Variants in RMDN2 observed in about 807,000 individuals in gnomAD.
The protein encoded by RMDN2 is regulator of microtubule dynamics 2.
RMDN2 carries 61 observed loss-of-function variants against 52.8 expected under a neutral mutation model. The ratio of observed to expected loss-of-function variants is 1.16; its 90% CI spans 0.94 to 1.43. The LOEUF (loss-of-function observed/expected upper bound fraction) is 1.43, where lower values mean the gene tolerates loss of function less well. RMDN2 is among the 40% of genes most tolerant of loss of function. RMDN2 has a pLI of 0.00. For missense variants in RMDN2, 592 were observed against 475.3 expected, an observed-to-expected ratio of 1.25 and a Z score of -2.28; for synonymous variants, 180 against 153.1, an observed-to-expected ratio of 1.18 and a Z score of -1.30.
At chr2:38,051,737 A>T (rs190564209) in intron 10 of RMDN2, among the ~76,000 whole-genome samples, 25 of 152,272 alleles carry the variant, frequency 1.6e-4, no homozygotes, top group Non-Finnish European at 3.1e-4. Flanking sequence ...CTGTGAGATT[A>T]AAGTTTTTAG....
intron 2 of RMDN2, among the ~76,000 whole-genome samples, chr2:37,937,229 T>C (rs1051615229): frequency 2.0e-5 from 3 of 152,206 alleles, no homozygotes; most frequent in Non-Finnish European, 2.9e-5. Flanking sequence ...TGTGGTGTTA[T>C]TTCTGAAGCC....
At chr2:38,018,398 A>G (rs1408242837), downstream of RMDN2, among the ~76,000 whole-genome samples, 1 of 152,188 alleles carries the variant, frequency 6.6e-6, no homozygotes, top group Non-Finnish European at 1.5e-5. Context: ...GAAAAGTATT[A>G]AATCTTTAGT....
At chr2:38,052,059 CTAG>C (rs1354147308) in intron 10 of RMDN2, among the ~76,000 whole-genome samples, 4 of 152,160 alleles carry the variant, frequency 2.6e-5, no homozygotes, top group African/African-American at 9.7e-5. Flanking sequence ...GGATTGTATG[CTAG>C]TTCCATTTTT....
In RMDN2 at chr2:37,978,136, C is replaced by T. The variant is rs563438334; in HGVS notation, c.730+2822C>T. Among the ~76,000 whole-genome samples the T allele has an allele frequency of 5.3e-5, 8 of 152,250 alleles. No individual in the cohort carries two copies. In the East Asian group the frequency reaches 1.2e-3, roughly 22 times the overall value. Reference sequence around the variant, plus strand: ...GAGCTAGAGACCAGCCCGGCCAACACGGTGAAACCCCGTCTCCACCAAAAA... The same window carrying T: ...GAGCTAGAGACCAGCCCGGCCAACATGGTGAAACCCCGTCTCCACCAAAAA... On this transcript the variant is annotated intron_variant, in intron 4 of 10. Transcript: ENST00000354545.
Position 37,951,885 on chromosome 2 carries a change from T to A in RMDN2, c.453-22155T>A, listed in dbSNP as rs774634461. Reference sequence around the variant, plus strand: ...CTTTTCTCTTGCAAGTGATATTTCCTCTCCCGATCAACAAAATGGAATTGC... The same window carrying A: ...CTTTTCTCTTGCAAGTGATATTTCCACTCCCGATCAACAAAATGGAATTGC... On this transcript the variant is annotated intron_variant, in intron 2 of 10. Transcript: ENST00000354545. The A allele has an allele frequency of 1.2e-6, 2 of 1,613,394 alleles. No individual in the cohort carries two copies. The highest frequency in any genetic ancestry group is 2.2e-5 in the South Asian group (2 of 91,046).
chr2:37,987,485 A>T (rs1307723838), intron 5 of RMDN2, among the ~76,000 whole-genome samples: 21 of 152,226 alleles, frequency 1.4e-4, no homozygotes. Context: ...ATTCTGGGAA[A>T]GACCAAACTA....
chr2:37,951,673 T>A, intron 2 of RMDN2: 1 of 1,613,268 alleles, frequency 6.2e-7, no homozygotes, highest in South Asian at 1.1e-5. Context: ...GGCCAGAATG[T>A]GTTTAATCTA....
chr2:37,974,294 A>T, intron 3 of RMDN2, 80 bp downstream of exon 3: 1 of 900,170 alleles, frequency 1.1e-6, no homozygotes, highest in East Asian at 3.0e-5. Flanking sequence ...TAACTATAAT[A>T]ATTGTGTCAT....
At chr2:38,003,241 C>A (rs887227299) in intron 8 of RMDN2, among the ~76,000 whole-genome samples, 1 of 152,282 alleles carries the variant, frequency 6.6e-6, no homozygotes, top group African/African-American at 2.4e-5. Flanking sequence ...ACCAGTCATG[C>A]TCTACTCTTA....
At chr2:37,968,459 AAAG>A (rs1259780032) in intron 2 of RMDN2, among the ~76,000 whole-genome samples, 21 of 146,172 alleles carry the variant, frequency 1.4e-4, no homozygotes, top group African/African-American at 3.0e-4. Flanking sequence ...AAAAAAAAAA[AAAG>A]AAAGTCTGTT....
intron 8 of RMDN2, among the ~76,000 whole-genome samples, chr2:38,000,486 C>T (rs78985247): frequency 0.12 from 18,233 of 152,206 alleles, 1,344 homozygotes; most frequent in Non-Finnish European, 0.16. Context: ...GTTTTCTTTG[C>T]CTCTTTGCTG....
At chr2:37,936,884 G>T (rs979560462) in intron 2 of RMDN2, among the ~76,000 whole-genome samples, 1 of 152,164 alleles carries the variant, frequency 6.6e-6, no homozygotes, top group African/African-American at 2.4e-5. Flanking sequence ...CTGTGCAGGA[G>T]CTCTCTAGTT....
In RMDN2 at chr2:38,017,214, A is replaced by T. The variant is rs950207456; in HGVS notation, c.1208A>T (p.Lys403Ile). 1.3e-6 allele frequency: 2 copies of T among 1,534,612 alleles called. No individual in the cohort carries two copies. Residue 403 changes from lysine (K) to isoleucine (I), a missense_variant, in exon 11 of 11, where the codon AAA becomes ATA. Physicochemically the swap from Lys to Ile is moderately radical, Grantham distance 102. Coordinates refer to ENST00000354545, the MANE Select transcript of RMDN2 (RefSeq NM_001170791.3). ...EDKEAQKEMQ[K>I]IMTSLKR Reference sequence around the variant, plus strand: ...AAAGAGGCACAGAAAGAGATGCAAAAAATAATGACTTCCTTGAAGAGGTAA... The same window carrying T: ...AAAGAGGCACAGAAAGAGATGCAAATAATAATGACTTCCTTGAAGAGGTAA...
At chr2:37,988,662 T>C (rs1006318660) in intron 5 of RMDN2, among the ~76,000 whole-genome samples, 5 of 152,220 alleles carry the variant, frequency 3.3e-5, no homozygotes, top group African/African-American at 1.2e-4. Context: ...TTTTTCATCT[T>C]AGTTACTATG....
intron 10 of RMDN2, among the ~76,000 whole-genome samples, chr2:38,008,463 G>A (rs1292186930): frequency 6.6e-6 from 1 of 152,082 alleles, no homozygotes; most frequent in African/African-American, 2.4e-5. Flanking sequence ...TTATGTAATG[G>A]CCTTCTTTGT....
chr2:38,003,484 C>T (rs947278406), intron 8 of RMDN2, among the ~76,000 whole-genome samples: 3 of 151,880 alleles, frequency 2.0e-5, no homozygotes, highest in Admixed American at 6.6e-5. Flanking sequence ...ACCTGGGAGG[C>T]GGAGGTTGCA....
At chr2:37,975,840 G>A (rs1672394008) in intron 4 of RMDN2, among the ~76,000 whole-genome samples, 1 of 152,024 alleles carries the variant, frequency 6.6e-6, no homozygotes, top group African/African-American at 2.4e-5. Context: ...GGCATTTTAG[G>A]GCTAAAGTAT....
chr2:37,958,436 G>A (rs1558470906), intron 2 of RMDN2, among the ~76,000 whole-genome samples: 1 of 147,024 alleles, frequency 6.8e-6, no homozygotes, highest in African/African-American at 2.7e-5. Context: ...TCATGATTTA[G>A]CTCTCTATTA....
At position 38,050,359 on chromosome 2, in the gene RMDN2, T is replaced by TA. The variant is rs368964616; in HGVS notation, c.1714-16613dup. Among the ~76,000 whole-genome samples the TA allele has an allele frequency of 7.2e-3, 1,053 of 145,720 alleles. 7 individuals carry two copies. The highest frequency in any genetic ancestry group is 0.011 in the Non-Finnish European group (709 of 65,810). On this transcript the variant is annotated intron_variant, in intron 10 of 10. Transcript: ENST00000234195. ...AAGTATCCCCTATTAAAAAAAAAAA[T>TA]AAAAAAAAAACCTTCCCTGACCATA... is the stretch of plus-strand genomic sequence containing the variant.
Sources: gnomAD v4.1 joint callset for allele counts (sites outside exome capture counted in the v4.1 genomes callset) on GRCh38, gnomAD v4.1.1 for gene constraint, MANE v1.5 for transcripts, NCBI Gene and HGNC (gene_info 2026-07-23, HGNC 2026-07-21) for gene names.